The following MANBA variants were observed in gnomAD, a reference collection of about 807,000 sequenced individuals.
The protein encoded by MANBA is beta-mannosidase.
A neutral mutation model predicts 111.1 loss-of-function variants in MANBA; 83 were observed. The ratio of observed to expected loss-of-function variants is 0.75; its 90% confidence interval spans 0.63 to 0.90. MANBA has a LOEUF of 0.90. Among genes scored for constraint, MANBA ranks in the 40% least tolerant of loss-of-function variants. MANBA has a pLI of 0.00. For missense variants in MANBA, 1,036 were observed against 1,069.0 expected (o/e 0.97, Z 0.43); for synonymous variants, 370 against 378.7 (o/e 0.98, Z 0.27).
chr4:102,729,546 C>A, intron 1 of MANBA: 1 of 872,190 alleles, frequency 1.1e-6, no homozygotes, highest in South Asian at 1.3e-5. Context: ...GAGACTCCAG[C>A]TCTACCTTGT....
intron 1 of MANBA, chr4:102,729,432 G>A: frequency 8.0e-7 from 1 of 1,244,946 alleles, no homozygotes; most frequent in South Asian, 1.3e-5. Flanking sequence ...TGTTGTCCAT[G>A]GGCAGCACCA....
chr4:102,642,208 C>A (rs188980884), intron 13 of MANBA, among the ~76,000 whole-genome samples: 1 of 152,292 alleles, frequency 6.6e-6, no homozygotes, highest in African/African-American at 2.4e-5. Context: ...ATCCATGCAT[C>A]CTTTCCTAAA....
At chr4:102,728,708 C>A in intron 1 of MANBA, 1 of 661,096 alleles carries the variant, frequency 1.5e-6, no homozygotes, top group South Asian at 1.7e-5. Flanking sequence ...CTGGGAGAGT[C>A]GCAGGAGGGG....
At position 102,722,993 on chromosome 4, in the gene MANBA, G is replaced by T. The variant is rs145950049; in HGVS notation, c.427C>A (p.Arg143Ser). ...VVRDVNSIEL[R>S]FQSAVLYAAQ... ...GCATACAACACCGCTGACTGGAAAC[G>T]CAGCTCAATGGAGTTCACGTCCCTG... is the stretch of plus-strand genomic sequence containing the variant. Residue 143 changes from arginine (R) to serine (S), a missense_variant, in exon 4 of 17, where the codon CGT (arginine) becomes AGT (serine). Physicochemically the swap from Arg to Ser is moderately radical, Grantham distance 110 (BLOSUM62 -1). Transcript: ENST00000647097. The T allele has an allele frequency of 5.6e-6, 9 of 1,614,020 alleles. No individual in the cohort carries two copies. The highest frequency in any genetic ancestry group is 1.7e-5 in the Admixed American group (1 of 60,002).
chr4:102,681,359 C>T (rs1371043362), intron 7 of MANBA, among the ~76,000 whole-genome samples: 1 of 152,008 alleles, frequency 6.6e-6, no homozygotes, highest in Non-Finnish European at 1.5e-5. Flanking sequence ...AATAATAATT[C>T]TAAAGCATTT....
chr4:102,705,962 C>A (rs1468824010), intron 5 of MANBA, among the ~76,000 whole-genome samples: 1 of 152,206 alleles, frequency 6.6e-6, no homozygotes, highest in Non-Finnish European at 1.5e-5. Context: ...TGTGCCCAGC[C>A]TGTTGCAGCC....
At chr4:102,703,859 G>A (rs1578919630) in intron 5 of MANBA, among the ~76,000 whole-genome samples, 2 of 152,170 alleles carry the variant, frequency 1.3e-5, no homozygotes, top group South Asian at 2.1e-4. Context: ...ACTCTGGGAG[G>A]CTGAGGCGGG....
In MANBA at chr4:102,699,426, G is replaced by T. The variant is rs183904852; in HGVS notation, c.674-8655C>A. 4.7e-3 allele frequency among the ~76,000 whole-genome samples: 711 copies of T among 152,054 alleles called. 25 individuals are homozygous for T. The highest frequency in any genetic ancestry group is 1.2e-3 in the Non-Finnish European group (81 of 68,008). Reference sequence around the variant, plus strand: ...AGGAATGGTGAGAGATGGCATCCCTGTCTTGTGCCAGTTTTCAAAGGGAAT... The same window carrying T: ...AGGAATGGTGAGAGATGGCATCCCTTTCTTGTGCCAGTTTTCAAAGGGAAT... On this transcript the variant is annotated intron_variant, in intron 5 of 16. Transcript: ENST00000647097.
chr4:102,656,353 A>G (rs1253984349), intron 12 of MANBA, among the ~76,000 whole-genome samples: 2 of 152,230 alleles, frequency 1.3e-5, no homozygotes, highest in African/African-American at 4.8e-5. Flanking sequence ...GCTCAACATG[A>G]TTAGCCATCA....
At chr4:102,687,998 G>A (rs967968766) in intron 7 of MANBA, among the ~76,000 whole-genome samples, 6 of 152,098 alleles carry the variant, frequency 3.9e-5, no homozygotes, top group East Asian at 1.9e-4. Flanking sequence ...GTTGCTGCTC[G>A]ATTCAAAGGC....
In MANBA at chr4:102,631,114, G is replaced by A; in HGVS notation, c.*943C>T. 1 of 70,572 alleles carries A rather than the reference G, an allele frequency of 1.4e-5. No homozygotes were observed. The highest frequency in any genetic ancestry group is 3.1e-5 in the Non-Finnish European group (1 of 32,422). The allele number at this position is 70,572 out of a possible 1,614,324, so 4.4% of individuals were successfully genotyped here. A position where few individuals can be genotyped will look rare whatever the true frequency, so the allele number is the denominator to read the frequency against. Reference sequence around the variant, plus strand: ...ATCCCCTTGATAAGGCTTTGTGTGTGTGTGTGTGTGTGTGTGTGTGTGTGT... The same window carrying A: ...ATCCCCTTGATAAGGCTTTGTGTGTATGTGTGTGTGTGTGTGTGTGTGTGT... On this transcript the variant is annotated 3_prime_UTR_variant, in exon 17 of 17. Coordinates refer to ENST00000647097, the MANE Select transcript of MANBA (RefSeq NM_005908.4).
chr4:102,726,231 A>C (rs750248447), intron 2 of MANBA, among the ~76,000 whole-genome samples: 4 of 152,144 alleles, frequency 2.6e-5, no homozygotes, highest in Non-Finnish European at 5.9e-5. Flanking sequence ...TACTGAAAAC[A>C]GTATCTGTGC....
chr4:102,698,706 C>A (rs193103169), intron 5 of MANBA, among the ~76,000 whole-genome samples: 9,626 of 150,928 alleles, frequency 0.064, 882 homozygotes, highest in African/African-American at 0.21. Flanking sequence ...ATTCTGTTCC[C>A]TTGATCTATA....
intron 4 of MANBA, among the ~76,000 whole-genome samples, chr4:102,717,363 GAAA>G (rs761413963): frequency 9.0e-6 from 1 of 111,390 alleles, no homozygotes; most frequent in Admixed American, 9.2e-5. Context: ...GAGTTTTCCT[GAAA>G]AAAAAAAAAA....
chr4:102,739,997 A>G (rs1323716219), intron 1 of MANBA, among the ~76,000 whole-genome samples: 1 of 152,200 alleles, frequency 6.6e-6, no homozygotes. Flanking sequence ...AAGAGGAAGT[A>G]AAACCGTTGC....
chr4:102,738,486 AC>A (rs925444530), intron 1 of MANBA, among the ~76,000 whole-genome samples: 19 of 152,174 alleles, frequency 1.2e-4, no homozygotes, highest in Non-Finnish European at 2.4e-4. Context: ...GGGTGGCTAG[AC>A]TCACAAGGGC....
At chr4:102,751,518 T>C in intron 1 of MANBA, 2 of 532,028 alleles carry the variant, frequency 3.8e-6, no homozygotes, top group South Asian at 1.4e-5. Context: ...CATCAATAAA[T>C]TACTAAAGGA....
intron 4 of MANBA, among the ~76,000 whole-genome samples, chr4:102,718,379 A>G (rs769755887): frequency 3.9e-5 from 6 of 152,250 alleles, no homozygotes; most frequent in Non-Finnish European, 5.9e-5. Context: ...AATGGCAAAT[A>G]GATTTGTTAT....
At chr4:102,712,102 G>A (rs1227450865) in intron 5 of MANBA, among the ~76,000 whole-genome samples, 2 of 152,170 alleles carry the variant, frequency 1.3e-5, no homozygotes. Context: ...ATAAATACTA[G>A]AGGTGATAGA....
Sources: gnomAD v4.1 joint callset for allele counts (sites outside exome capture counted in the v4.1 genomes callset) on GRCh38, gnomAD v4.1.1 for gene constraint, MANE v1.5 for transcripts, NCBI Gene and HGNC (gene_info 2026-07-23, HGNC 2026-07-21) for gene names.